The following ETV5 variants were observed in gnomAD, a reference collection of about 807,000 sequenced individuals.
The protein encoded by ETV5 is ETS variant transcription factor 5, also known as ETS translocation variant 5.
ETV5 carries 10 observed loss-of-function variants against 70.0 expected under a neutral mutation model. The observed-to-expected ratio is 0.14, with a 90% confidence interval of 0.09 to 0.24. The LOEUF (loss-of-function observed/expected upper bound fraction) is 0.24, where lower values mean the gene tolerates loss of function less well. Among genes scored for constraint, ETV5 ranks in the 10% least tolerant of loss-of-function variants. ETV5 has a pLI of 1.00. For missense variants in ETV5, 453 were observed against 651.2 expected (o/e 0.70, Z 3.31); for synonymous variants, 216 against 242.2 (o/e 0.89, Z 1.01).
rs145572675 is a variant in ETV5 at position 186,059,518 on chromosome 3, T to C, written c.971-2027A>G. Among the ~76,000 whole-genome samples the C allele has an allele frequency of 6.7e-3, 1,026 of 152,308 alleles. 29 individuals carry two copies. Among genetic ancestry groups the C allele is most frequent in the Admixed American group, 0.045 (696 of 15,308 alleles). ...TAATCTCTGTGCTCCAGTGTCCTCA[T>C]TGCAGCAGATAAAAATTCCTACCTT... On this transcript the variant is annotated intron_variant, in intron 9 of 12. Coordinates refer to ENST00000306376, the MANE Select transcript of ETV5 (RefSeq NM_004454.3).
intron 12 of ETV5, among the ~76,000 whole-genome samples, chr3:186,049,691 C>A (rs1712977989): frequency 6.6e-6 from 1 of 152,132 alleles, no homozygotes; most frequent in Non-Finnish European, 1.5e-5. Context: ...TTAATCCTGC[C>A]CTTCAGTCAT....
chr3:186,073,476 G>A (rs1049720410), intron 7 of ETV5, among the ~76,000 whole-genome samples: 1 of 152,192 alleles, frequency 6.6e-6, no homozygotes, highest in African/African-American at 2.4e-5. Flanking sequence ...CAGCAGCAGA[G>A]CGGCGATTCA....
At chr3:186,081,205 TAG>T (rs1184380965) in intron 5 of ETV5, 30 bp from the exon 6 acceptor site, 2 of 1,597,064 alleles carry the variant, frequency 1.3e-6, no homozygotes, top group Middle Eastern at 1.8e-4. Flanking sequence ...GAGAGGGGAA[TAG>T]AGAGAGAACA....
chr3:186,080,030 T>G lies in ETV5; in HGVS notation c.437A>C (p.Gln146Pro). 1 of 1,503,866 alleles carries G rather than the reference T, an allele frequency of 6.6e-7. No homozygotes were observed. The highest frequency in any genetic ancestry group is 8.8e-7 in the Non-Finnish European group (1 of 1,134,110). 93.2% of individuals were successfully genotyped at this position (1,503,866 alleles called of 1,614,324 possible). Reference sequence around the variant, plus strand: ...CTGAGGTGGGGGAAATAGGGGATTCTGATGGGTGGGTGAGAGGGGGGTTGT... The same window carrying G: ...CTGAGGTGGGGGAAATAGGGGATTCGGATGGGTGGGTGAGAGGGGGGTTGT... ...PPTTPLSPTH[Q>P]NPLFPPPQAT... The change falls in exon 7 of 13, where the codon CAG becomes CCG. Residue 146 changes from glutamine (Q) to proline (P), a missense_variant. Coordinates refer to ENST00000306376, the MANE Select transcript of ETV5 (RefSeq NM_004454.3).
At chr3:186,073,099 T>C (rs1713684952) in intron 7 of ETV5, among the ~76,000 whole-genome samples, 1 of 152,080 alleles carries the variant, frequency 6.6e-6, no homozygotes, top group Non-Finnish European at 1.5e-5. Flanking sequence ...ACCACTGCAC[T>C]CCAGCCTGTG....
intron 7 of ETV5, among the ~76,000 whole-genome samples, chr3:186,077,077 T>C (rs1283440046): frequency 6.6e-6 from 1 of 152,234 alleles, no homozygotes; most frequent in Non-Finnish European, 1.5e-5. Flanking sequence ...TATGTGAGCT[T>C]TAGAAAGTCC....
Position 186,052,177 on chromosome 3 carries a change from GC to G in ETV5, c.1210-47del. The G allele has an allele frequency of 6.3e-7, 1 of 1,578,382 alleles. No homozygotes were observed. Among genetic ancestry groups the G allele is most frequent in the Non-Finnish European group, 8.7e-7 (1 of 1,148,602 alleles). ...AGAGCAATGGAAACGCATTCCCTGGGCCCCATGTTCTCTCCCAATCCCAGCA... is the reference window on the plus strand; with the variant it reads ...AGAGCAATGGAAACGCATTCCCTGGGCCCATGTTCTCTCCCAATCCCAGCA... On this transcript the variant is annotated intron_variant, in intron 11 of 12. Transcript: ENST00000306376. This position sits in a 1 kb window ranked among gnomAD's most constrained non-coding sequence, Gnocchi z 4.5.
intron 5 of ETV5, among the ~76,000 whole-genome samples, chr3:186,098,176 A>T (rs1714357535): frequency 6.6e-6 from 1 of 152,258 alleles, no homozygotes; most frequent in South Asian, 2.1e-4. Context: ...CGCTAGAAGT[A>T]AGGTCAGAAA....
rs576213573 is a variant in ETV5, at chr3:186,102,525, C to G, written c.232+2780G>C. 2.0e-5 allele frequency among the ~76,000 whole-genome samples: 3 copies of G among 151,224 alleles called. No individual in the cohort carries two copies. The South Asian group carries it at 6.3e-4, about 32-fold the overall frequency. On this transcript the variant is annotated intron_variant, in intron 5 of 12. Coordinates refer to ENST00000306376, the MANE Select transcript of ETV5 (RefSeq NM_004454.3). ...GCAGGTGCCTGTAATCCCAGCTACTCGGGAGGCTTAGGCAGGAGAATTGCT... is the reference window on the plus strand; with the variant it reads ...GCAGGTGCCTGTAATCCCAGCTACTGGGGAGGCTTAGGCAGGAGAATTGCT...
At chr3:186,065,376 T>TAC (rs1408159873) in intron 8 of ETV5, among the ~76,000 whole-genome samples, 2 of 152,244 alleles carry the variant, frequency 1.3e-5, no homozygotes, top group African/African-American at 4.8e-5. Flanking sequence ...ACACGATCAC[T>TAC]ACCTCACACT....
rs562477330 is a variant in ETV5, at chr3:186,069,390, T to C, written c.651-3318A>G. Among the ~76,000 whole-genome samples the C allele has an allele frequency of 4.0e-4, 61 of 152,348 alleles. 1 individual carries two copies. In the South Asian group the frequency reaches 0.011, roughly 27 times the overall value. On this transcript the variant is annotated intron_variant, in intron 7 of 12. Coordinates refer to ENST00000306376, the MANE Select transcript of ETV5 (RefSeq NM_004454.3). The stretch of plus-strand genomic sequence containing the variant: ...TCTTCAAGAAACCTTTCAATGGTCT[T>C]TGAAGAAGTGTAAATTCCCGTCTCA...
intron 5 of ETV5, among the ~76,000 whole-genome samples, chr3:186,089,542 C>T (rs1560053986): frequency 6.6e-6 from 1 of 152,200 alleles, no homozygotes; most frequent in Non-Finnish European, 1.5e-5. Flanking sequence ...TCACTCTGTT[C>T]TTTCACCACT....
rs191877413 is a variant in ETV5, at chr3:186,102,510, G to A, written c.232+2795C>T. Among the ~76,000 whole-genome samples the A allele has an allele frequency of 9.2e-5, 14 of 151,976 alleles. No individual in the cohort carries two copies. In the East Asian group the frequency reaches 2.3e-3, roughly 25 times the overall value. On this transcript the variant is annotated intron_variant, in intron 5 of 12. Coordinates refer to ENST00000306376, the MANE Select transcript of ETV5 (RefSeq NM_004454.3). ...TAGCCAGGCATGGTGGCAGGTGCCT[G>A]TAATCCCAGCTACTCGGGAGGCTTA... is the stretch of plus-strand genomic sequence containing the variant.
At position 186,057,599 on chromosome 3, in the gene ETV5, T is replaced by G; in HGVS notation, c.971-108A>C. Reference sequence around the variant, plus strand: ...CAATCCTATCATTTCAGATCCTAAGTCCTACTGCTGTATCTATGGCAGACT... The same window carrying G: ...CAATCCTATCATTTCAGATCCTAAGGCCTACTGCTGTATCTATGGCAGACT... On this transcript the variant is annotated intron_variant, in intron 9 of 12. Coordinates refer to ENST00000306376, the MANE Select transcript of ETV5 (RefSeq NM_004454.3). The surrounding 1 kb of genome is among the most constrained non-coding windows in gnomAD (Gnocchi z 4.9). 1.1e-6 allele frequency: 1 copy of G among 944,624 alleles called. No individual in the cohort carries two copies. The allele number at this position is 944,624 out of a possible 1,614,324, so 58.5% of individuals were successfully genotyped here.
intron 5 of ETV5, among the ~76,000 whole-genome samples, chr3:186,083,106 T>TAA (rs1713971089): frequency 6.6e-6 from 1 of 152,236 alleles, no homozygotes; most frequent in African/African-American, 2.4e-5. Flanking sequence ...GCGAAGCTTG[T>TAA]TTGAATGTTG....
At chr3:186,064,374 AGAG>A (rs1560047182) in intron 9 of ETV5, 40 bp downstream of exon 9, 3 of 1,539,772 alleles carry the variant, frequency 1.9e-6, no homozygotes, top group Non-Finnish European at 2.7e-6. Context: ...GGAAGAAAGG[AGAG>A]GAGAGAGGAG....
chr3:186,057,788 T>G lies in ETV5; in HGVS notation c.971-297A>C, dbSNP rs1713202092. 6.6e-6 allele frequency among the ~76,000 whole-genome samples: 1 copy of G among 152,234 alleles called. No individual in the cohort carries two copies. Among genetic ancestry groups the G allele is most frequent in the Non-Finnish European group, 1.5e-5 (1 of 68,036 alleles). On this transcript the variant is annotated intron_variant, in intron 9 of 12. Transcript: ENST00000306376. The surrounding 1 kb of genome is among the most constrained non-coding windows in gnomAD (Gnocchi z 4.9). ...ATTTTGCTTCTGAGGTCTGCATGGA[T>G]CAATGTTGCTCTGACTAAGCCTTTA...
At chr3:186,072,371 C>CAAAA (rs11418453) in intron 7 of ETV5, among the ~76,000 whole-genome samples, 4 of 136,462 alleles carry the variant, frequency 2.9e-5, no homozygotes, top group African/African-American at 8.0e-5. Context: ...GACTCTATCT[C>CAAAA]AAAAAAAAAA....
At chr3:186,079,328 G>C in intron 7 of ETV5, 2 of 230,248 alleles carry the variant, frequency 8.7e-6, no homozygotes, top group Non-Finnish European at 1.7e-5. Flanking sequence ...TTCAAAAGCA[G>C]ATGTACAAAT....
Sources: allele counts gnomAD v4.1 joint callset (sites outside exome capture counted in the v4.1 genomes callset), GRCh38; gene constraint gnomAD v4.1.1; non-coding constraint Gnocchi (gnomAD v3.1); transcripts MANE v1.5; gene names NCBI Gene and HGNC (gene_info 2026-07-23, HGNC 2026-07-21).